Variants in EIF2AK2 observed in about 807,000 individuals in gnomAD.
The protein encoded by EIF2AK2 is eukaryotic translation initiation factor 2 alpha kinase 2, also known as interferon-induced, double-stranded RNA-activated protein kinase.
Under a neutral mutation model 70.5 loss-of-function variants are expected in EIF2AK2, and 40 were observed. The ratio of observed to expected loss-of-function variants is 0.57; its 90% CI spans 0.44 to 0.74. The LOEUF (loss-of-function observed/expected upper bound fraction) is 0.74. EIF2AK2 is among the 30% of genes least tolerant of loss of function. The pLI, the probability that EIF2AK2 is intolerant of heterozygous loss-of-function variation, is 0.00. For synonymous variants in EIF2AK2, 198 were observed against 220.9 expected, an observed-to-expected ratio of 0.90 and a Z score of 0.92; for missense variants, 555 against 644.3, an observed-to-expected ratio of 0.86 and a Z score of 1.50.
intron 12 of EIF2AK2, among the ~76,000 whole-genome samples, chr2:37,122,275 G>C (rs1674581160): frequency 6.6e-6 from 1 of 152,236 alleles, no homozygotes; most frequent in African/African-American, 2.4e-5. Context: ...AGATTTTGCA[G>C]ACAGCTGAGG....
At chr2:37,127,584 G>A (rs183392172) in intron 10 of EIF2AK2, among the ~76,000 whole-genome samples, 58 of 151,344 alleles carry the variant, frequency 3.8e-4, no homozygotes, top group Non-Finnish European at 6.6e-4. Context: ...CTTCTCATAC[G>A]CCCTTCCTTC....
intron 1 of EIF2AK2, among the ~76,000 whole-genome samples, chr2:37,152,933 C>T (rs1306230701): frequency 1.3e-5 from 2 of 152,150 alleles, no homozygotes; most frequent in African/African-American, 4.8e-5. Flanking sequence ...GGGAGGCATC[C>T]TTGACATTTC....
rs751066966 is a variant in EIF2AK2, at chr2:37,126,375, G to A, written c.822C>T (p.Gly274=). Residue 274 remains glycine (G), a synonymous_variant, in exon 11 of 17, where the codon GGC becomes GGT. Transcript: ENST00000233057. The stretch of plus-strand genomic sequence containing the variant: ...TGAAAACTTGGCCAAATCCACCTGA[G>A]CCAATTAATTCTATTTCTTTAAAAT... ...GMDFKEIELI[G]SGGFGQVFKA... is the part of the protein sequence containing the mutation. 1.2e-6 allele frequency: 2 copies of A among 1,611,206 alleles called. No individual in the cohort carries two copies. Among genetic ancestry groups the A allele is most frequent in the Admixed American group, 3.4e-5 (2 of 59,034 alleles).
At chr2:37,155,540 C>T (rs1331140174) in intron 1 of EIF2AK2, among the ~76,000 whole-genome samples, 1 of 152,200 alleles carries the variant, frequency 6.6e-6, no homozygotes, top group Non-Finnish European at 1.5e-5. Context: ...ATGGGCTTGC[C>T]ACTCCACCTT....
chr2:37,122,216 C>A (rs190589490), intron 12 of EIF2AK2, among the ~76,000 whole-genome samples: 1 of 152,166 alleles, frequency 6.6e-6, no homozygotes, highest in Non-Finnish European at 1.5e-5. Flanking sequence ...GAAGCCGGCA[C>A]GTGAACAAGG....
chr2:37,111,763 C>A (rs1194923659), intron 14 of EIF2AK2, among the ~76,000 whole-genome samples: 2 of 146,336 alleles, frequency 1.4e-5, no homozygotes, highest in African/African-American at 5.1e-5. Context: ...GGGGCTGAGG[C>A]AGGAGGATCA....
chr2:37,105,643 A>T lies in EIF2AK2; in HGVS notation c.*1630T>A, dbSNP rs1410609046. ...ATCCATTTAAACCAATAAGAAACAA[A>T]CTAAAACAATTGCCCTAAGTTGAAA... On this transcript the variant is annotated 3_prime_UTR_variant, in exon 17 of 17. Coordinates refer to ENST00000233057, the MANE Select transcript of EIF2AK2 (RefSeq NM_001135651.3). 1 of 152,200 alleles carries T rather than the reference A, an allele frequency of 6.6e-6. No homozygotes were observed. Among genetic ancestry groups the T allele is most frequent in the East Asian group, 1.9e-4 (1 of 5,196 alleles). The allele number at this position is 152,200 out of a possible 1,614,324, so 9.4% of individuals were successfully genotyped here. A position where few individuals can be genotyped will look rare whatever the true frequency, so the allele number is the denominator to read the frequency against.
chr2:37,138,946 C>T (rs994469947), intron 6 of EIF2AK2, among the ~76,000 whole-genome samples: 26 of 151,742 alleles, frequency 1.7e-4, no homozygotes, highest in African/African-American at 4.8e-4. Context: ...CAGGTACATG[C>T]CACCACACCC....
chr2:37,113,809 G>T (rs1674241821), intron 14 of EIF2AK2, among the ~76,000 whole-genome samples: 1 of 152,176 alleles, frequency 6.6e-6, no homozygotes, highest in African/African-American at 2.4e-5. Context: ...ACCCAAAACT[G>T]ATCACTGGAG....
intron 13 of EIF2AK2, among the ~76,000 whole-genome samples, chr2:37,117,255 A>C (rs927239910): frequency 1.3e-5 from 2 of 150,760 alleles, no homozygotes; most frequent in African/African-American, 4.9e-5. Flanking sequence ...AAAGAAAAAG[A>C]AGCTGGGTAT....
chr2:37,104,939 G>A lies in EIF2AK2; in HGVS notation c.*2334C>T, dbSNP rs1673917659. ...GGTTATTGTGGTGACCATTGTAAAG[G>A]TACATTTTCCCCTGTATAATTGATA... On this transcript the variant is annotated 3_prime_UTR_variant, in exon 17 of 17. Transcript: ENST00000233057. 6.6e-6 allele frequency: 1 copy of A among 152,116 alleles called. No individual in the cohort carries two copies. Among genetic ancestry groups the A allele is most frequent in the African/African-American group, 2.4e-5 (1 of 41,420 alleles). The allele number at this position is 152,116 out of a possible 1,614,324, so 9.4% of individuals were successfully genotyped here. A position where few individuals can be genotyped will look rare whatever the true frequency, so the allele number is the denominator to read the frequency against.
At chr2:37,138,663 T>A (rs1675213853) in intron 6 of EIF2AK2, 78 bp from the exon 7 acceptor site, 1 of 1,204,016 alleles carries the variant, frequency 8.3e-7, no homozygotes, top group South Asian at 1.3e-5. Context: ...CTATGTACTA[T>A]CACATTTATT....
intron 1 of EIF2AK2, among the ~76,000 whole-genome samples, chr2:37,156,138 A>T (rs1056925514): frequency 3.9e-5 from 6 of 152,136 alleles, no homozygotes; most frequent in African/African-American, 1.4e-4. Flanking sequence ...CCATGCAGTT[A>T]TCTGGGGAAG....
At chr2:37,137,413 T>A (rs936787476) in intron 8 of EIF2AK2, among the ~76,000 whole-genome samples, 1 of 152,204 alleles carries the variant, frequency 6.6e-6, no homozygotes, top group African/African-American at 2.4e-5. Flanking sequence ...ACCAAAAGCA[T>A]GGATTTTGCT....
At position 37,107,496 on chromosome 2, in the gene EIF2AK2, G is replaced by C. The variant is rs1674002176; in HGVS notation, c.1511C>G (p.Ser504Ter). The C allele has an allele frequency of 6.2e-7, 1 of 1,612,546 alleles. No individual in the cohort carries two copies. Among genetic ancestry groups the C allele is most frequent in the African/African-American group, 1.3e-5 (1 of 74,796 alleles). The change falls in exon 16 of 17, where the codon TCA (serine) becomes TGA (stop). Residue 504 changes from serine (S) to a stop codon, truncating the protein, a stop_gained. Transcript: ENST00000233057. LOFTEE classifies it low-confidence loss of function (END_TRUNC). ...TACTTCTTTTTTATCAAATATATCTGAGATGATGCCATCCCGTAGGTCTGT... is the reference window on the plus strand; with the variant it reads ...TACTTCTTTTTTATCAAATATATCTCAGATGATGCCATCCCGTAGGTCTGT... ...FFTDLRDGIISDIFDKKEKTL... is the reference protein window; with the variant it reads ...FFTDLRDGII
chr2:37,142,050 T>G (rs1479329147), intron 4 of EIF2AK2, among the ~76,000 whole-genome samples: 1 of 152,252 alleles, frequency 6.6e-6, no homozygotes, highest in African/African-American at 2.4e-5. Flanking sequence ...ATGAAAAAGA[T>G]GAATATAATA....
intron 2 of EIF2AK2, chr2:37,148,434 G>A (rs4648155): frequency 5.7e-4 from 221 of 385,804 alleles, no homozygotes; most frequent in Non-Finnish European, 8.6e-4. Flanking sequence ...GGATCCTGCC[G>A]GAAGCCAGGC....
At chr2:37,149,946 C>T (rs897105478) in intron 1 of EIF2AK2, among the ~76,000 whole-genome samples, 1 of 151,956 alleles carries the variant, frequency 6.6e-6, no homozygotes, top group Non-Finnish European at 1.5e-5. Context: ...GATGAAAGTC[C>T]AACAAAGCAA....
chr2:37,119,970 T>C lies in EIF2AK2; in HGVS notation c.1237A>G (p.Arg413Gly). The C allele has an allele frequency of 6.9e-7, 1 of 1,447,220 alleles. No individual in the cohort carries two copies. The highest frequency in any genetic ancestry group is 9.2e-7 in the Non-Finnish European group (1 of 1,088,184). 89.6% of individuals were successfully genotyped at this position (1,447,220 alleles called of 1,614,324 possible). Reference protein sequence around the residue: ...DYIHSKKLIHRDLKPSNIFLV... With the variant: ...DYIHSKKLIHGDLKPSNIFLV... Reference sequence around the variant, plus strand: ...CATTTTCCACTTACCTTAAGATCTCTATGAATTAATTTTTTTGAATGTATA... The same window carrying C: ...CATTTTCCACTTACCTTAAGATCTCCATGAATTAATTTTTTTGAATGTATA... Residue 413 changes from arginine to glycine, a missense_variant, in exon 13 of 17, where the codon AGA (arginine) becomes GGA (glycine). Coordinates refer to ENST00000233057, the MANE Select transcript of EIF2AK2 (RefSeq NM_001135651.3).
Sources: allele counts gnomAD v4.1 joint callset (sites outside exome capture counted in the v4.1 genomes callset), GRCh38; gene constraint gnomAD v4.1.1; transcripts MANE v1.5; gene names NCBI Gene and HGNC (gene_info 2026-07-23, HGNC 2026-07-21).